The following LINGO2 variants were observed in gnomAD, a reference collection of about 807,000 sequenced individuals.
LINGO2 encodes the protein leucine rich repeat and Ig domain containing 2.
A neutral mutation model predicts 30.6 loss-of-function variants in LINGO2; 14 were observed. The ratio of observed to expected loss-of-function variants is 0.46; its 90% CI spans 0.30 to 0.72. The LOEUF is 0.72. Among genes scored for constraint, LINGO2 ranks in the 30% least tolerant of loss-of-function variants. The probability of loss-of-function intolerance (pLI) is 0.07; values close to 1 mark genes in which losing one functional copy is unlikely to be tolerated. For missense variants in LINGO2, 729 were observed against 751.7 expected (o/e 0.97, Z 0.35); for synonymous variants, 317 against 288.5 (o/e 1.10, Z -1.00).
At chr9:28,138,811 A>G (rs1827594059) in intron 4 of LINGO2, among the ~76,000 whole-genome samples, 1 of 152,212 alleles carries the variant, frequency 6.6e-6, no homozygotes, top group African/African-American at 2.4e-5. Flanking sequence ...TACATCAAGT[A>G]TGTACAAGAT....
chr9:28,524,681 A>G (rs557346039), intron 1 of LINGO2, among the ~76,000 whole-genome samples: 5 of 152,310 alleles, frequency 3.3e-5, no homozygotes, highest in Admixed American at 3.3e-4. Flanking sequence ...TGAACCCAAG[A>G]GGCAGAGGTT....
At chr9:28,603,541 T>C (rs1825578141) in intron 1 of LINGO2, among the ~76,000 whole-genome samples, 2 of 152,062 alleles carry the variant, frequency 1.3e-5, no homozygotes, top group South Asian at 2.1e-4. Context: ...GGAGGAAATA[T>C]ATATTAGCAT....
chr9:28,896,714 T>C, the LINGO2 span, among the ~76,000 whole-genome samples: 5 of 152,112 alleles, frequency 3.3e-5, no homozygotes, highest in African/African-American at 1.2e-4. Flanking sequence ...ACTAGTTGAA[T>C]TTTTCTGAGA....
intron 1 of LINGO2, among the ~76,000 whole-genome samples, chr9:28,626,031 T>G (rs992214194): frequency 2.0e-5 from 3 of 152,148 alleles, no homozygotes; most frequent in Non-Finnish European, 4.4e-5. Flanking sequence ...ACAAATTGTC[T>G]TCAAAGTGGT....
chr9:28,582,195 A>C, intron 1 of LINGO2, among the ~76,000 whole-genome samples: 1 of 152,098 alleles, frequency 6.6e-6, no homozygotes, highest in East Asian at 1.9e-4. Flanking sequence ...TGCTTCCACA[A>C]GTAAATATCT....
At chr9:28,013,048 C>T (rs913397101) in intron 4 of LINGO2, among the ~76,000 whole-genome samples, 3 of 152,046 alleles carry the variant, frequency 2.0e-5, no homozygotes, top group African/African-American at 7.3e-5. Context: ...CTAGGGTTAG[C>T]ATGTTGAGAA....
the LINGO2 span, among the ~76,000 whole-genome samples, chr9:28,805,904 T>G: frequency 6.6e-6 from 1 of 152,142 alleles, no homozygotes; most frequent in Admixed American, 6.5e-5. Context: ...ATATATTTCA[T>G]TTTCTCATAT....
At chr9:28,216,904 A>G (rs1820786494) in intron 4 of LINGO2, among the ~76,000 whole-genome samples, 1 of 151,898 alleles carries the variant, frequency 6.6e-6, no homozygotes, top group Non-Finnish European at 1.5e-5. Context: ...GTGATATTTT[A>G]AACTTTATTC....
chr9:28,881,706 G>A, the LINGO2 span, among the ~76,000 whole-genome samples: 2 of 151,314 alleles, frequency 1.3e-5, no homozygotes, highest in Admixed American at 6.6e-5. Flanking sequence ...ATAAGTAAAC[G>A]TGTGTCATGG....
the LINGO2 span, among the ~76,000 whole-genome samples, chr9:29,103,459 T>C: frequency 6.6e-6 from 1 of 152,104 alleles, no homozygotes; most frequent in Non-Finnish European, 1.5e-5. Context: ...TGCTAACCTA[T>C]AGCAACATAA....
At chr9:28,218,673 A>C (rs966279321) in intron 4 of LINGO2, among the ~76,000 whole-genome samples, 26 of 152,120 alleles carry the variant, frequency 1.7e-4, no homozygotes, top group South Asian at 6.2e-4. Flanking sequence ...ACCATGAAGG[A>C]CAAAGCTGAA....
chr9:29,107,063 G>A, the LINGO2 span, among the ~76,000 whole-genome samples: 46 of 152,228 alleles, frequency 3.0e-4, no homozygotes, highest in Admixed American at 1.5e-3. Context: ...AGTATAAAAT[G>A]CTCTTACATG....
At chr9:28,507,471 C>A (rs186195312) in intron 1 of LINGO2, among the ~76,000 whole-genome samples, 1 of 152,146 alleles carries the variant, frequency 6.6e-6, no homozygotes, top group Non-Finnish European at 1.5e-5. Flanking sequence ...ACCATCCTAC[C>A]TTAGATATTT....
chr9:28,984,573 C>T, the LINGO2 span, among the ~76,000 whole-genome samples: 2 of 151,938 alleles, frequency 1.3e-5, no homozygotes, highest in Admixed American at 1.3e-4. Context: ...TGTTTGGATG[C>T]TTTCCAGGAT....
chr9:28,917,554 G>A, the LINGO2 span, among the ~76,000 whole-genome samples: 5 of 151,962 alleles, frequency 3.3e-5, no homozygotes, highest in African/African-American at 1.2e-4. Context: ...CTGGATTCAA[G>A]CAATTCTCCT....
At chr9:28,546,399 G>T (rs534176473) in intron 1 of LINGO2, among the ~76,000 whole-genome samples, 1 of 152,204 alleles carries the variant, frequency 6.6e-6, no homozygotes, top group Admixed American at 6.6e-5. Context: ...GCAAAAATGT[G>T]ATTGGACAAA....
the LINGO2 span, among the ~76,000 whole-genome samples, chr9:28,945,689 T>A: frequency 6.6e-6 from 1 of 152,180 alleles, no homozygotes; most frequent in African/African-American, 2.4e-5. Context: ...TAGCACCTGC[T>A]ACCCTCTGTA....
At chr9:28,032,339 A>AC (rs1433035802) in intron 4 of LINGO2, among the ~76,000 whole-genome samples, 1 of 152,036 alleles carries the variant, frequency 6.6e-6, no homozygotes, top group African/African-American at 2.4e-5. Context: ...CCAGCACCCC[A>AC]CCTCAGTCTC....
chr9:28,694,100 C>T, the LINGO2 span, among the ~76,000 whole-genome samples: 2 of 151,516 alleles, frequency 1.3e-5, no homozygotes, highest in East Asian at 1.9e-4. Context: ...TTATGTAAGG[C>T]CATTTTCAAT....
Sources: gnomAD v4.1 joint callset for allele counts (sites outside exome capture counted in the v4.1 genomes callset) on GRCh38, gnomAD v4.1.1 for gene constraint, MANE v1.5 for transcripts, NCBI Gene and HGNC (gene_info 2026-07-23, HGNC 2026-07-21) for gene names.